The following EBF2 variants were observed in gnomAD, a reference collection of about 807,000 sequenced individuals.
The protein encoded by EBF2 is transcription factor COE2.
A neutral mutation model predicts 72.8 loss-of-function variants in EBF2; 21 were observed. The observed-to-expected ratio is 0.29, with a 90% CI of 0.20 to 0.42. EBF2 has a LOEUF of 0.42. Among genes scored for constraint, EBF2 ranks in the 10% least tolerant of loss-of-function variants. The pLI, the probability that EBF2 is intolerant of heterozygous loss-of-function variation, is 1.00. For missense variants in EBF2, 637 were observed against 731.2 expected (o/e 0.87, Z 1.49); for synonymous variants, 299 against 274.2 (o/e 1.09, Z -0.89).
intron 6 of EBF2, among the ~76,000 whole-genome samples, chr8:26,002,101 G>A (rs143522647): frequency 6.6e-6 from 1 of 152,158 alleles, no homozygotes; most frequent in Admixed American, 6.5e-5. Flanking sequence ...GGGAGTTCAG[G>A]CAAAGGAACA....
At chr8:25,885,209 C>CT (rs35187702) in intron 10 of EBF2, among the ~76,000 whole-genome samples, 70,386 of 149,046 alleles carry the variant, frequency 0.47, 17,376 homozygotes, top group Middle Eastern at 0.63. Context: ...TACCAGGCTC[C>CT]TTTTTTTTTT....
intron 10 of EBF2, among the ~76,000 whole-genome samples, chr8:25,866,919 A>G (rs966760122): frequency 6.6e-6 from 1 of 152,042 alleles, no homozygotes; most frequent in Non-Finnish European, 1.5e-5. Context: ...GACATGAGCT[A>G]CCGCGCCTGG....
chr8:26,032,831 A>C, intron 6 of EBF2: 1 of 505,552 alleles, frequency 2.0e-6, no homozygotes, highest in Non-Finnish European at 3.6e-6. Context: ...CCTGCACCAC[A>C]CATACTACTT....
chr8:25,990,668 T>C (rs1053014170), intron 6 of EBF2, among the ~76,000 whole-genome samples: 8 of 152,192 alleles, frequency 5.3e-5, no homozygotes, highest in Non-Finnish European at 1.0e-4. Context: ...AGATACAACT[T>C]AACAACTCTG....
intron 6 of EBF2, among the ~76,000 whole-genome samples, chr8:25,934,674 G>A (rs1803543599): frequency 6.6e-6 from 1 of 152,150 alleles, no homozygotes; most frequent in African/African-American, 2.4e-5. Context: ...CATGGCTGGA[G>A]CTCGCACGAC....
At chr8:25,914,233 G>C (rs1335903714) in intron 6 of EBF2, among the ~76,000 whole-genome samples, 1 of 152,176 alleles carries the variant, frequency 6.6e-6, no homozygotes, top group African/African-American at 2.4e-5. Context: ...CTTTCCACTT[G>C]AGACCAGAGA....
chr8:26,033,217 C>T (rs1397063024), intron 5 of EBF2, 64 bp from the exon 6 acceptor site: 4 of 1,505,734 alleles, frequency 2.7e-6, no homozygotes, highest in Non-Finnish European at 3.7e-6. Flanking sequence ...GCAATGAGCA[C>T]ATGACAAGAA....
At chr8:25,991,173 AT>A (rs1160186641) in intron 6 of EBF2, among the ~76,000 whole-genome samples, 2 of 152,224 alleles carry the variant, frequency 1.3e-5, no homozygotes, top group African/African-American at 4.8e-5. Flanking sequence ...TTTCCTCAGC[AT>A]TCTCTTCCAA....
intron 6 of EBF2, among the ~76,000 whole-genome samples, chr8:26,001,551 C>G (rs1346327250): frequency 6.8e-6 from 1 of 148,108 alleles, no homozygotes; most frequent in African/African-American, 2.5e-5. Context: ...AGTTTATTTG[C>G]TTTTTTTTTT....
In EBF2 at chr8:25,868,997, T is replaced by G. The variant is rs561116985; in HGVS notation, c.1010-6200A>C. On this transcript the variant is annotated intron_variant, in intron 10 of 15. Transcript: ENST00000520164. ...TTCTATGTTCTATATTTTTAGAAAC[T>G]AATTTTCATGTTTCCACTAAGTCTC... Among the ~76,000 whole-genome samples, 6 of 152,322 alleles carry G rather than the reference T, an allele frequency of 3.9e-5. No individual in the cohort carries two copies. The South Asian group carries it at 1.2e-3, about 32-fold the overall frequency.
At chr8:25,992,755 T>C (rs936996318) in intron 6 of EBF2, among the ~76,000 whole-genome samples, 1 of 151,788 alleles carries the variant, frequency 6.6e-6, no homozygotes, top group African/African-American at 2.4e-5. Context: ...AATACAAAAA[T>C]TAGCAGGGCT....
chr8:25,869,318 C>A (rs181136369), intron 10 of EBF2, among the ~76,000 whole-genome samples: 1 of 152,252 alleles, frequency 6.6e-6, no homozygotes, highest in Non-Finnish European at 1.5e-5. Context: ...TCTCACTCCT[C>A]AAGTTGGAGA....
intron 10 of EBF2, among the ~76,000 whole-genome samples, chr8:25,877,562 A>G (rs138993675): frequency 6.6e-6 from 1 of 152,320 alleles, no homozygotes; most frequent in Non-Finnish European, 1.5e-5. Flanking sequence ...AGTGGCAACC[A>G]TGGGGGTCTG....
At chr8:26,019,855 A>T (rs1805178598) in intron 6 of EBF2, among the ~76,000 whole-genome samples, 1 of 152,154 alleles carries the variant, frequency 6.6e-6, no homozygotes, top group East Asian at 1.9e-4. Flanking sequence ...TTAAGTTGAA[A>T]ATCTTCAGAA....
chr8:25,893,770 G>A (rs1364427325), intron 7 of EBF2, among the ~76,000 whole-genome samples: 1 of 152,184 alleles, frequency 6.6e-6, no homozygotes, highest in Non-Finnish European at 1.5e-5. Context: ...CAAGCCAGCT[G>A]ATTTCATCAT....
intron 6 of EBF2, among the ~76,000 whole-genome samples, chr8:25,915,965 G>A (rs760978841): frequency 2.0e-5 from 3 of 152,068 alleles, no homozygotes; most frequent in Non-Finnish European, 2.9e-5. Context: ...AATTTTTACT[G>A]TAAAAATTAG....
At chr8:26,038,178 TAC>T (rs1363588928) in intron 5 of EBF2, among the ~76,000 whole-genome samples, 4 of 152,160 alleles carry the variant, frequency 2.6e-5, no homozygotes, top group African/African-American at 9.7e-5. Context: ...TGCACACATG[TAC>T]ACACACACAT....
At chr8:25,959,826 G>A (rs541604059) in intron 6 of EBF2, among the ~76,000 whole-genome samples, 2 of 152,308 alleles carry the variant, frequency 1.3e-5, no homozygotes, top group South Asian at 4.1e-4. Flanking sequence ...AGTCAGGAAT[G>A]TGGAGGTCTG....
chr8:26,042,274 GA>G (rs1563217576), intron 1 of EBF2, 23 bp from the exon 2 acceptor site: 1 of 1,602,854 alleles, frequency 6.2e-7, no homozygotes. Context: ...AAAAACGGGG[GA>G]ACACAAGACA....
Sources: allele counts gnomAD v4.1 joint callset (sites outside exome capture counted in the v4.1 genomes callset), GRCh38; gene constraint gnomAD v4.1.1; transcripts MANE v1.5; gene names NCBI Gene and HGNC (gene_info 2026-07-23, HGNC 2026-07-21).